PLXNA4: variants seen among roughly 807,000 people sequenced by gnomAD.
The protein encoded by PLXNA4 is plexin-A4.
Under a neutral mutation model 191.8 loss-of-function variants are expected in PLXNA4, and 44 were observed. That is an observed-to-expected ratio of 0.23 (90% CI 0.18 to 0.29). The LOEUF (loss-of-function observed/expected upper bound fraction) is 0.29, where lower values mean the gene tolerates loss of function less well. Among genes scored for constraint, PLXNA4 ranks in the 10% least tolerant of loss-of-function variants. The pLI, the probability that PLXNA4 is intolerant of heterozygous loss-of-function variation, is 1.00. For synonymous variants in PLXNA4, 1,082 were observed against 1,009.5 expected (o/e 1.07, Z -1.36); for missense variants, 1,800 against 2,488.8 (o/e 0.72, Z 5.89).
chr7:132,480,198 G>A (rs758152817), intron 3 of PLXNA4, among the ~76,000 whole-genome samples: 1 of 152,160 alleles, frequency 6.6e-6, no homozygotes, highest in East Asian at 1.9e-4. Context: ...ACTACAGAGC[G>A]ACAGGAAGGA....
At chr7:132,530,932 A>G (rs1469512840) in intron 1 of PLXNA4, among the ~76,000 whole-genome samples, 1 of 152,246 alleles carries the variant, frequency 6.6e-6, no homozygotes, top group African/African-American at 2.4e-5. Flanking sequence ...TGTCTAAATG[A>G]ATGAACCTTA....
intron 3 of PLXNA4, among the ~76,000 whole-genome samples, chr7:132,458,815 G>A (rs1029757944): frequency 6.6e-6 from 1 of 152,048 alleles, no homozygotes; most frequent in East Asian, 1.9e-4. Context: ...GCAATAAAAA[G>A]TTACCCAAGA....
chr7:132,185,109 G>T (rs1253608605), intron 16 of PLXNA4, among the ~76,000 whole-genome samples, 190 bp downstream of exon 16: 1 of 152,200 alleles, frequency 6.6e-6, no homozygotes, highest in Non-Finnish European at 1.5e-5. Context: ...GCTGGGTTTG[G>T]CACAGAGGTG....
At chr7:132,312,965 A>G (rs546003338) in intron 3 of PLXNA4, among the ~76,000 whole-genome samples, 157 of 152,278 alleles carry the variant, frequency 1.0e-3, no homozygotes, top group African/African-American at 3.5e-3. Flanking sequence ...CAAAGGAGAG[A>G]GGGAAGGCTT....
chr7:132,180,449 A>G, intron 19 of PLXNA4, 137 bp downstream of exon 19: 6 of 1,347,454 alleles, frequency 4.5e-6, no homozygotes, highest in Non-Finnish European at 6.0e-6. Flanking sequence ...ACATGAAGAA[A>G]GAACTTGGGG....
chr7:132,536,950 G>A (rs1180216443), intron 1 of PLXNA4, among the ~76,000 whole-genome samples: 1 of 152,232 alleles, frequency 6.6e-6, no homozygotes, highest in Non-Finnish European at 1.5e-5. Flanking sequence ...TTGCCAAGGA[G>A]TGTTGCTAAG....
At chr7:132,329,225 TTCC>T (rs1270948265) in intron 3 of PLXNA4, among the ~76,000 whole-genome samples, 1 of 152,296 alleles carries the variant, frequency 6.6e-6, no homozygotes, top group East Asian at 1.9e-4. Context: ...ACTCCATGCC[TTCC>T]TGTAGGTGGA....
intron 30 of PLXNA4, among the ~76,000 whole-genome samples, chr7:132,136,265 C>A (rs1047093071): frequency 2.0e-5 from 3 of 152,202 alleles, no homozygotes; most frequent in Non-Finnish European, 4.4e-5. Context: ...AGGAAGAACA[C>A]AATTAGGCTC....
chr7:132,263,074 T>A (rs1160136291), intron 4 of PLXNA4, among the ~76,000 whole-genome samples: 2 of 152,140 alleles, frequency 1.3e-5, no homozygotes, highest in African/African-American at 4.8e-5. Context: ...GAGCCTTACA[T>A]CCAGGCAGCC....
chr7:132,178,843 TATACAC>T (rs1478395055), intron 20 of PLXNA4, among the ~76,000 whole-genome samples: 32 of 42,528 alleles, frequency 7.5e-4, no homozygotes, highest in Admixed American at 1.7e-3. Flanking sequence ...CATACACATA[TATACAC>T]ACACACACAC....
At chr7:132,197,531 C>T (rs1442665038) in intron 13 of PLXNA4, among the ~76,000 whole-genome samples, 5 of 152,074 alleles carry the variant, frequency 3.3e-5, no homozygotes, top group East Asian at 3.9e-4. Context: ...AGTTTGGTTT[C>T]GTTCTAGAAA....
Position 132,632,722 on chromosome 7 carries a change from TG to T in PLXNA4, c.-87+13205del, listed in dbSNP as rs779862790. On this transcript the variant is annotated intron_variant, in intron 2 of 4. Coordinates refer to the PLXNA4 transcript ENST00000378539. The stretch of plus-strand genomic sequence containing the variant: ...TATCACTATCATTTCATTTTTTAAA[TG>T]ACTTGTTAACACCGCAAGATGGGAA... Among the ~76,000 whole-genome samples the T allele has an allele frequency of 4.3e-4, 66 of 152,354 alleles. 1 individual carries two copies. Among genetic ancestry groups the T allele is most frequent in the Middle Eastern group, 6.8e-3 (2 of 294 alleles).
intron 2 of PLXNA4, among the ~76,000 whole-genome samples, chr7:132,610,557 G>GCTCCCT (rs2116853123): frequency 6.6e-6 from 1 of 152,296 alleles, no homozygotes; most frequent in African/African-American, 2.4e-5. Context: ...GGTGCTTAAA[G>GCTCCCT]CTCCCTCTCT....
At chr7:132,296,206 T>G (rs900501529) in intron 4 of PLXNA4, among the ~76,000 whole-genome samples, 1 of 152,170 alleles carries the variant, frequency 6.6e-6, no homozygotes, top group African/African-American at 2.4e-5. Context: ...CATTCCTGCC[T>G]TCCTTTCCAA....
At chr7:132,498,252 G>A (rs575274803) in intron 2 of PLXNA4, among the ~76,000 whole-genome samples, 1 of 152,246 alleles carries the variant, frequency 6.6e-6, no homozygotes, top group South Asian at 2.1e-4. Flanking sequence ...ATAAATTAAA[G>A]TTTATTATAG....
chr7:132,336,654 C>A (rs1802830146), intron 3 of PLXNA4, among the ~76,000 whole-genome samples: 1 of 152,202 alleles, frequency 6.6e-6, no homozygotes, highest in African/African-American at 2.4e-5. Flanking sequence ...CCACTCTATA[C>A]ACAAAGAAGC....
intron 3 of PLXNA4, among the ~76,000 whole-genome samples, chr7:132,323,438 T>C (rs1028990392): frequency 5.3e-5 from 8 of 152,152 alleles, no homozygotes; most frequent in African/African-American, 2.4e-5. Flanking sequence ...CTCCAAAGCC[T>C]AAGAGAAAGT....
At chr7:132,480,515 C>T (rs1003266621) in intron 3 of PLXNA4, among the ~76,000 whole-genome samples, 2 of 152,148 alleles carry the variant, frequency 1.3e-5, no homozygotes, top group African/African-American at 4.8e-5. Context: ...AGCACACAGT[C>T]CCACAGGCTC....
At chr7:132,202,926 G>T (rs1184736421) in intron 11 of PLXNA4, 90 bp from the exon 12 acceptor site, 3 of 1,329,630 alleles carry the variant, frequency 2.3e-6, no homozygotes, top group Non-Finnish European at 3.0e-6. Flanking sequence ...TGCAGTGCCA[G>T]CCTGGGGTGA....
Sources: gnomAD v4.1 joint callset for allele counts (sites outside exome capture counted in the v4.1 genomes callset) on GRCh38, gnomAD v4.1.1 for gene constraint, MANE v1.5 for transcripts, NCBI Gene and HGNC (gene_info 2026-07-23, HGNC 2026-07-21) for gene names.